METAP1: variants seen among roughly 807,000 people sequenced by gnomAD.
METAP1 encodes the protein methionine aminopeptidase 1.
In METAP1, 28 loss-of-function variants were observed where a neutral mutation model predicts 53.8. That is an observed-to-expected ratio of 0.52 (90% confidence interval 0.39 to 0.71). METAP1 has a LOEUF of 0.71. Among genes scored for constraint, METAP1 ranks in the 30% least tolerant of loss-of-function variants. The pLI, the probability that METAP1 is intolerant of heterozygous loss-of-function variation, is 0.00. For missense variants in METAP1, 389 were observed against 479.8 expected (o/e 0.81, Z 1.77); for synonymous variants, 181 against 165.7 (o/e 1.09, Z -0.71).
At chr4:99,045,033 C>A in intron 7 of METAP1, 146 bp from the exon 8 acceptor site, 1 of 748,596 alleles carries the variant, frequency 1.3e-6, no homozygotes, top group Non-Finnish European at 2.1e-6. Context: ...TTCTGTTGGG[C>A]AATAACTATC....
intron 9 of METAP1, among the ~76,000 whole-genome samples, chr4:99,052,994 C>T (rs1217280898): frequency 6.6e-6 from 1 of 152,156 alleles, no homozygotes; most frequent in Non-Finnish European, 1.5e-5. Context: ...CTGTAAGAAG[C>T]AGCTACTCAA....
At chr4:99,036,993 C>G (rs1725467052) in intron 4 of METAP1, among the ~76,000 whole-genome samples, 1 of 151,906 alleles carries the variant, frequency 6.6e-6, no homozygotes, top group Admixed American at 6.6e-5. Flanking sequence ...TGTTACAAAG[C>G]TTTATGATCT....
intron 1 of METAP1, among the ~76,000 whole-genome samples, chr4:98,997,898 C>G (rs1560687231): frequency 6.6e-6 from 1 of 152,198 alleles, no homozygotes; most frequent in Non-Finnish European, 1.5e-5. Flanking sequence ...CCCACCAAAT[C>G]AGTTGTCATA....
intron 1 of METAP1, among the ~76,000 whole-genome samples, chr4:99,019,503 T>C (rs1723963359): frequency 6.6e-6 from 1 of 152,192 alleles, no homozygotes; most frequent in Non-Finnish European, 1.5e-5. Context: ...TGTTTTAGTT[T>C]CTCTTCATCT....
chr4:99,006,742 AG>A (rs1255227013), intron 1 of METAP1, among the ~76,000 whole-genome samples: 4 of 152,174 alleles, frequency 2.6e-5, no homozygotes, highest in African/African-American at 9.7e-5. Flanking sequence ...AACCTATCAA[AG>A]CTCACATATA....
At chr4:99,001,187 C>T (rs906085691) in intron 1 of METAP1, among the ~76,000 whole-genome samples, 9 of 152,124 alleles carry the variant, frequency 5.9e-5, no homozygotes, top group East Asian at 1.9e-4. Flanking sequence ...TCATGTTGTG[C>T]GTTTTTATTT....
intron 9 of METAP1, among the ~76,000 whole-genome samples, chr4:99,052,486 G>A (rs28894706): frequency 0.014 from 2,065 of 152,318 alleles, 40 homozygotes; most frequent in African/African-American, 0.047. Flanking sequence ...CAAAGAGGGA[G>A]TGAGTGTCTC....
chr4:99,027,806 T>G (rs1483606294), intron 1 of METAP1, among the ~76,000 whole-genome samples: 1 of 152,196 alleles, frequency 6.6e-6, no homozygotes, highest in African/African-American at 2.4e-5. Context: ...GCTTAACTGT[T>G]GCGGGCTGTG....
chr4:99,045,183 T>C lies in METAP1; in HGVS notation c.660T>C (p.Asp220=). Residue 220 remains aspartate (D), a synonymous_variant, in exon 8 of 11, where the codon GAT becomes GAC. Transcript: ENST00000296411. The part of the protein sequence containing the change: ...PLQEGDIVNV[D]ITLYRNGYHG... The stretch of plus-strand genomic sequence containing the variant: ...TATTTGCACATTCTCTTGCAGTGGA[T>C]ATCACTCTTTATCGCAATGGTTATC... 1 of 1,613,174 alleles carries C rather than the reference T, an allele frequency of 6.2e-7. No homozygotes were observed. The highest frequency in any genetic ancestry group is 8.5e-7 in the Non-Finnish European group (1 of 1,179,374).
intron 1 of METAP1, 51 bp downstream of exon 1, chr4:98,995,918 G>C (rs1722594078): frequency 4.3e-6 from 6 of 1,396,774 alleles, no homozygotes; most frequent in Middle Eastern, 4.5e-4. Context: ...ACCCCTCCTC[G>C]CTTCTCCCCT....
At chr4:99,000,982 G>A (rs1163292229) in intron 1 of METAP1, among the ~76,000 whole-genome samples, 1 of 152,156 alleles carries the variant, frequency 6.6e-6, no homozygotes, top group Non-Finnish European at 1.5e-5. Context: ...ACAGGTGTGA[G>A]CCACTGCACC....
intron 9 of METAP1, among the ~76,000 whole-genome samples, chr4:99,056,452 A>G (rs1434581552): frequency 2.0e-5 from 3 of 152,200 alleles, no homozygotes; most frequent in Admixed American, 1.3e-4. Flanking sequence ...GAACTTGGAC[A>G]AAGAAGCTAA....
intron 2 of METAP1, chr4:99,031,598 A>G (rs1437438121): frequency 3.9e-6 from 5 of 1,284,274 alleles, no homozygotes; most frequent in African/African-American, 1.5e-5. Context: ...TGCTGGAATC[A>G]TAGGTTTGTG....
At chr4:99,027,250 G>A (rs1173444975) in intron 1 of METAP1, among the ~76,000 whole-genome samples, 1 of 152,202 alleles carries the variant, frequency 6.6e-6, no homozygotes, top group Non-Finnish European at 1.5e-5. Flanking sequence ...TTATTAGTGT[G>A]CATGGGGAAG....
chr4:99,004,496 CACACACACACACACACAA>C (rs1176724129), intron 1 of METAP1, among the ~76,000 whole-genome samples: 208 of 134,452 alleles, frequency 1.5e-3, no homozygotes, highest in African/African-American at 6.2e-3. Context: ...CACACACACA[CACACACACACACACACAA>C]AATAACACAG....
intron 10 of METAP1, among the ~76,000 whole-genome samples, chr4:99,060,199 C>T (rs1296254008): frequency 6.6e-6 from 1 of 152,030 alleles, no homozygotes; most frequent in Non-Finnish European, 1.5e-5. Flanking sequence ...CCATCCATCT[C>T]CAAAAGTCTT....
At position 99,048,684 on chromosome 4, in the gene METAP1, A is replaced by G. The variant is rs779676088; in HGVS notation, c.788-49A>G. On this transcript the variant is annotated intron_variant, in intron 8 of 10. Transcript: ENST00000296411. ...TGCATCTGGTTGATAGTAATTGCTT[A>G]GTACGTATTAGTTATTAGTTTATCA... 5.1e-6 allele frequency: 8 copies of G among 1,575,296 alleles called. No homozygotes were observed. In the Middle Eastern group the frequency reaches 8.4e-4, roughly 165 times the overall value.
At chr4:99,012,652 GTTTTTTTTTTTT>G (rs78437310) in intron 1 of METAP1, among the ~76,000 whole-genome samples, 11 of 90,364 alleles carry the variant, frequency 1.2e-4, no homozygotes, top group African/African-American at 1.9e-4. Flanking sequence ...ATCCCATAAA[GTTTTTTTTTTTT>G]TTTTTTTTTT....
intron 1 of METAP1, among the ~76,000 whole-genome samples, chr4:99,010,133 A>G (rs565929006): frequency 1.3e-5 from 2 of 152,310 alleles, no homozygotes; most frequent in East Asian, 1.9e-4. Context: ...TGAAGAGACT[A>G]TTCTTTGCCT....
Sources: gnomAD v4.1 joint callset for allele counts (sites outside exome capture counted in the v4.1 genomes callset) on GRCh38, gnomAD v4.1.1 for gene constraint, MANE v1.5 for transcripts, NCBI Gene and HGNC (gene_info 2026-07-23, HGNC 2026-07-21) for gene names.